POLR3K: variants seen among roughly 807,000 people sequenced by gnomAD.
POLR3K encodes RNA polymerase III subunit K, also known as DNA-directed RNA polymerase III subunit RPC10.
In POLR3K, 11 loss-of-function variants were observed where a neutral mutation model predicts 13.5. That is an observed-to-expected ratio of 0.81 (90% CI 0.51 to 1.35). The LOEUF (loss-of-function observed/expected upper bound fraction) is 1.35, where lower values mean the gene tolerates loss of function less well. Ranked by LOEUF, POLR3K falls within the 40% of genes most tolerant of loss-of-function variation. POLR3K has a pLI of 0.00. For missense variants in POLR3K, 144 were observed against 145.3 expected (o/e 0.99, Z 0.05); for synonymous variants, 56 against 51.5 (o/e 1.09, Z -0.38).
intron 2 of POLR3K, 110 bp downstream of exon 2, chr16:51,448 T>G: frequency 1.2e-6 from 1 of 817,656 alleles, no homozygotes; most frequent in Non-Finnish European, 2.0e-6. Context: ...CCATTTTCTA[T>G]TTTTAGAAAC....
intron 1 of POLR3K, chr16:53,076 C>T (rs538558208): frequency 1.0e-5 from 2 of 191,830 alleles, no homozygotes; most frequent in South Asian, 2.2e-4. Flanking sequence ...GGCATTAGGA[C>T]TTGAAATCGG....
At position 47,317 on chromosome 16, in the gene POLR3K, T is replaced by C. The variant is rs549529060; in HGVS notation, c.*113A>G. 15 of 1,385,652 alleles carry C rather than the reference T, an allele frequency of 1.1e-5. No individual in the cohort carries two copies. The South Asian group carries it at 2.1e-4, about 20-fold the overall frequency. The allele number at this position is 1,385,652 out of a possible 1,614,324, so 85.8% of individuals were successfully genotyped here. A position where few individuals can be genotyped will look rare whatever the true frequency, so the allele number is the denominator to read the frequency against. ...CTGGCTCTTCACCTCAAAAGGTTTA[T>C]CTTTCCACCACACTAGCAAAGACCC... On this transcript the variant is annotated 3_prime_UTR_variant, in exon 3 of 3. Transcript: ENST00000293860.
At chr16:47,643 A>C (rs1897295951) in intron 2 of POLR3K, 86 bp from the exon 3 acceptor site, 5 of 1,430,750 alleles carry the variant, frequency 3.5e-6, no homozygotes, top group African/African-American at 1.4e-5. Context: ...AATATGTGGG[A>C]GGCCAAGGCG....
chr16:52,446 C>CAAAA lies in POLR3K; in HGVS notation c.112-805_112-802dup, dbSNP rs767411954. On this transcript the variant is annotated intron_variant, in intron 1 of 2. Transcript: ENST00000293860. The stretch of plus-strand genomic sequence containing the variant: ...TGGGAAACAGAGCGAGACTCTGTCT[C>CAAAA]AAAAAAAAAAAAAAAAAAAAAAAAA... Among the ~76,000 whole-genome samples, 143 of 74,184 alleles carry CAAAA rather than the reference C, an allele frequency of 1.9e-3. 4 individuals are homozygous for CAAAA. The highest frequency in any genetic ancestry group is 2.7e-3 in the Non-Finnish European group (110 of 40,088). 48.7% of individuals were successfully genotyped at this position (74,184 alleles called of 152,430 possible).
chr16:48,980 C>T (rs867353246), intron 2 of POLR3K, among the ~76,000 whole-genome samples: 10 of 150,128 alleles, frequency 6.7e-5, no homozygotes, highest in Admixed American at 6.6e-5. Flanking sequence ...GGTGAAACCC[C>T]GTCTCTACCA....
Position 52,765 on chromosome 16 carries a change from C to CAAAAAAAA in POLR3K, c.111+703_111+710dup, listed in dbSNP as rs946489081. Among the ~76,000 whole-genome samples, 257 of 33,370 alleles carry CAAAAAAAA rather than the reference C, an allele frequency of 7.7e-3. 25 individuals are homozygous for CAAAAAAAA. Among genetic ancestry groups the CAAAAAAAA allele is most frequent in the Middle Eastern group, 0.017 (1 of 60 alleles). 21.9% of individuals were successfully genotyped at this position (33,370 alleles called of 152,430 possible). ...TGGGCGACAGAGCGGGACTCCGTCT[C>CAAAAAAAA]AAAAAAAAAAAAAAAAAAAAAAAAA... is the stretch of plus-strand genomic sequence containing the variant. On this transcript the variant is annotated intron_variant, in intron 1 of 2. Transcript: ENST00000293860.
intron 2 of POLR3K, among the ~76,000 whole-genome samples, chr16:49,661 C>T (rs1340472683): frequency 2.8e-5 from 4 of 140,690 alleles, no homozygotes; most frequent in Non-Finnish European, 4.6e-5. Context: ...TTTTTTGAGA[C>T]GGAGTTTTGC....
In POLR3K at chr16:47,438, TCCAGCGGTGTCC is replaced by T. The variant is rs1337788441; in HGVS notation, c.307_318del (p.Gly103_Trp106del). ...GCTGGGCCATCCTGGCCCTAATCCCTCCAGCGGTGTCCACACTGAGCATTGCAGCACTTGTAG... is the reference window on the plus strand; with the variant it reads ...GCTGGGCCATCCTGGCCCTAATCCCTACACTGAGCATTGCAGCACTTGTAG... On this transcript the variant is annotated inframe_deletion, in exon 3 of 3. Coordinates refer to ENST00000293860, the MANE Select transcript of POLR3K (RefSeq NM_016310.5). 1 of 1,612,726 alleles carries T rather than the reference TCCAGCGGTGTCC, an allele frequency of 6.2e-7. No homozygotes were observed. Among genetic ancestry groups the T allele is most frequent in the African/African-American group, 1.3e-5 (1 of 74,872 alleles).
chr16:49,953 A>G (rs1278144364), intron 2 of POLR3K, among the ~76,000 whole-genome samples: 1 of 151,462 alleles, frequency 6.6e-6, no homozygotes, highest in African/African-American at 2.4e-5. Context: ...TTTTTCACAT[A>G]GCAGATTTGT....
Position 51,664 on chromosome 16 carries a change from C to T in POLR3K, c.112-19G>A. On this transcript the variant is annotated intron_variant, in intron 1 of 2. Transcript: ENST00000293860. ...TTGTTACCTAACAAAAACAACACTTCAGACTCCAAGTAACTGAATAGCGCA... is the reference window on the plus strand; with the variant it reads ...TTGTTACCTAACAAAAACAACACTTTAGACTCCAAGTAACTGAATAGCGCA... 1 of 1,599,782 alleles carries T rather than the reference C, an allele frequency of 6.3e-7. No homozygotes were observed. Among genetic ancestry groups the T allele is most frequent in the South Asian group, 1.1e-5 (1 of 90,802 alleles).
intron 2 of POLR3K, among the ~76,000 whole-genome samples, chr16:50,061 C>T (rs1381527453): frequency 3.3e-5 from 5 of 152,188 alleles, no homozygotes; most frequent in South Asian, 4.1e-4. Context: ...CGGGTTCAAG[C>T]GATTCTCCTG....
chr16:47,990 G>C (rs1426669913), intron 2 of POLR3K, among the ~76,000 whole-genome samples: 6 of 135,244 alleles, frequency 4.4e-5, no homozygotes, highest in Admixed American at 8.0e-5. Flanking sequence ...CCGGGTTCAT[G>C]TGATTCTCCT....
At position 48,754 on chromosome 16, in the gene POLR3K, T is replaced by C. The variant is rs1897305519; in HGVS notation, c.200-1197A>G. Among the ~76,000 whole-genome samples the C allele has an allele frequency of 2.7e-5, 4 of 146,014 alleles. 1 individual carries two copies. The South Asian group carries it at 8.7e-4, about 32-fold the overall frequency. On this transcript the variant is annotated intron_variant, in intron 2 of 2. Transcript: ENST00000293860. ...TGAACCCGGGAGGCGGAGCTTGCAGTGAGCCGAGATCGCGCCACTGCACTC... is the reference window on the plus strand; with the variant it reads ...TGAACCCGGGAGGCGGAGCTTGCAGCGAGCCGAGATCGCGCCACTGCACTC...
rs901824547 is a variant in POLR3K, at chr16:50,188, A to G, written c.199+1370T>C. On this transcript the variant is annotated intron_variant, in intron 2 of 2. Coordinates refer to ENST00000293860, the MANE Select transcript of POLR3K (RefSeq NM_016310.5). Reference sequence around the variant, plus strand: ...TAGCCAGGCTGGTCTCGAACTCCTGACCTCAGGTGATCCGCCCGCCTCGGC... The same window carrying G: ...TAGCCAGGCTGGTCTCGAACTCCTGGCCTCAGGTGATCCGCCCGCCTCGGC... 4.5e-4 allele frequency among the ~76,000 whole-genome samples: 68 copies of G among 151,660 alleles called. 1 individual carries two copies. Among genetic ancestry groups the G allele is most frequent in the Non-Finnish European group, 1.3e-4 (9 of 67,936 alleles).
intron 1 of POLR3K, 180 bp downstream of exon 1, chr16:53,296 C>T: frequency 8.1e-7 from 1 of 1,232,696 alleles, no homozygotes; most frequent in Non-Finnish European, 1.1e-6. Flanking sequence ...CGGTGGGAAA[C>T]GGTGGGGCTT....
At chr16:50,468 G>A (rs1596457631) in intron 2 of POLR3K, among the ~76,000 whole-genome samples, 1 of 152,156 alleles carries the variant, frequency 6.6e-6, no homozygotes, top group East Asian at 1.9e-4. Context: ...GCGTGTATTA[G>A]TCCGTTCTCA....
In POLR3K at chr16:47,479, G is replaced by A; in HGVS notation, c.278C>T (p.Thr93Ile). The change falls in exon 3 of 3, where the codon ACC (threonine) becomes ATC (isoleucine). Residue 93 changes from threonine (T) to isoleucine (I), a missense_variant. Transcript: ENST00000293860. Reference protein sequence around the residue: ...QTRSADEPMTTFYKCCNAQCG... With the variant: ...QTRSADEPMTIFYKCCNAQCG... The stretch of plus-strand genomic sequence containing the variant: ...CTGAGCATTGCAGCACTTGTAGAAG[G>A]TGGTCATCGGCTCATCTGCAGAGCG... 2.5e-6 allele frequency: 4 copies of A among 1,613,746 alleles called. No individual in the cohort carries two copies. Among genetic ancestry groups the A allele is most frequent in the African/African-American group, 1.3e-5 (1 of 75,042 alleles).
At chr16:53,286 C>G in intron 1 of POLR3K, 190 bp downstream of exon 1, 6 of 1,148,512 alleles carry the variant, frequency 5.2e-6, no homozygotes, top group Non-Finnish European at 6.9e-6. Context: ...GAACCCAAGG[C>G]GGTGGGAAAC....
At chr16:48,179 C>T (rs1328095375) in intron 2 of POLR3K, among the ~76,000 whole-genome samples, 2 of 151,884 alleles carry the variant, frequency 1.3e-5, no homozygotes, top group Non-Finnish European at 2.9e-5. Flanking sequence ...CATGAGCCAC[C>T]GTGCCCAGAC....
Sources: allele counts gnomAD v4.1 joint callset (sites outside exome capture counted in the v4.1 genomes callset), GRCh38; gene constraint gnomAD v4.1.1; transcripts MANE v1.5; gene names NCBI Gene and HGNC (gene_info 2026-07-23, HGNC 2026-07-21).